The following SNX29 variants were observed in gnomAD, a reference collection of about 807,000 sequenced individuals.
SNX29 encodes the protein sorting nexin 29, also known as sorting nexin-29.
A neutral mutation model predicts 102.1 loss-of-function variants in SNX29; 78 were observed. The observed-to-expected ratio is 0.76, with a 90% CI of 0.64 to 0.92. The LOEUF is 0.92. Ranked by LOEUF, SNX29 falls within the 40% of genes least tolerant of loss-of-function variation. The pLI, the probability that SNX29 is intolerant of heterozygous loss-of-function variation, is 0.00. For synonymous variants in SNX29, 580 were observed against 414.5 expected, an observed-to-expected ratio of 1.40 and a Z score of -4.85; for missense variants, 1,280 against 1,061.7, an observed-to-expected ratio of 1.21 and a Z score of -2.86.
rs58725482 is a variant in SNX29 at position 12,272,990 on chromosome 16, T to G, written c.1679-4943T>G. ...ATCATCATTTTGGTTAGATCAGTATTCAGTGATTACATTATTATAACTGGA... is the reference window on the plus strand; with the variant it reads ...ATCATCATTTTGGTTAGATCAGTATGCAGTGATTACATTATTATAACTGGA... On this transcript the variant is annotated intron_variant, in intron 14 of 20. Transcript: ENST00000566228. 7.8e-4 allele frequency among the ~76,000 whole-genome samples: 119 copies of G among 152,374 alleles called. No homozygotes were observed. The East Asian group carries it at 0.022, about 29-fold the overall frequency.
At chr16:12,293,287 G>A (rs1264390981) in intron 15 of SNX29, among the ~76,000 whole-genome samples, 1 of 152,202 alleles carries the variant, frequency 6.6e-6, no homozygotes, top group South Asian at 2.1e-4. Flanking sequence ...AACCTTGCAA[G>A]GTAGGCGGTG....
chr16:12,034,122 G>A (rs2057413003), intron 4 of SNX29, among the ~76,000 whole-genome samples: 1 of 152,226 alleles, frequency 6.6e-6, no homozygotes, highest in African/African-American at 2.4e-5. Flanking sequence ...TTGATCTTCA[G>A]TGGGGATTTT....
At chr16:12,169,556 C>T (rs547856280) in intron 13 of SNX29, among the ~76,000 whole-genome samples, 1 of 152,194 alleles carries the variant, frequency 6.6e-6, no homozygotes, top group African/African-American at 2.4e-5. Context: ...GAGGGGATGG[C>T]AGACATTTAA....
intron 18 of SNX29, among the ~76,000 whole-genome samples, chr16:12,404,980 T>C (rs1184069968): frequency 6.6e-6 from 1 of 152,188 alleles, no homozygotes; most frequent in Non-Finnish European, 1.5e-5. Flanking sequence ...GCAACAGTCA[T>C]AGGAGAATCT....
intron 20 of SNX29, among the ~76,000 whole-genome samples, chr16:12,549,451 C>A (rs895705861): frequency 6.6e-6 from 1 of 152,026 alleles, no homozygotes; most frequent in African/African-American, 2.4e-5. Flanking sequence ...CCTAAGATTG[C>A]ACCATTGAAC....
intron 20 of SNX29, chr16:12,526,598 G>T (rs775416144): frequency 1.9e-5 from 10 of 532,602 alleles, no homozygotes; most frequent in South Asian, 1.5e-4. Context: ...CACGTGAGGA[G>T]TTCTCATCCT....
At chr16:12,451,096 C>A (rs573137752) in intron 18 of SNX29, among the ~76,000 whole-genome samples, 8 of 152,288 alleles carry the variant, frequency 5.3e-5, no homozygotes, top group African/African-American at 1.9e-4. Flanking sequence ...CACTTTTGTC[C>A]TTGAACAGAA....
At chr16:12,031,142 G>A (rs1340966078) in intron 4 of SNX29, among the ~76,000 whole-genome samples, 3 of 151,802 alleles carry the variant, frequency 2.0e-5, no homozygotes, top group African/African-American at 4.8e-5. Context: ...GTGCGATCTC[G>A]GCTCACTGCA....
chr16:12,353,864 GA>G (rs2082059676), intron 15 of SNX29, among the ~76,000 whole-genome samples: 1 of 152,230 alleles, frequency 6.6e-6, no homozygotes, highest in South Asian at 2.1e-4. Context: ...GACAACATTA[GA>G]TGTTACTTTG....
At chr16:12,191,277 GC>G (rs2076636336) in intron 13 of SNX29, among the ~76,000 whole-genome samples, 1 of 152,136 alleles carries the variant, frequency 6.6e-6, no homozygotes, top group Admixed American at 6.5e-5. Flanking sequence ...CTCCTGCTGT[GC>G]GGCTTGGTTC....
intron 15 of SNX29, 50 bp from the exon 16 acceptor site, chr16:12,356,113 C>G (rs986079223): frequency 1.3e-6 from 2 of 1,550,086 alleles, no homozygotes; most frequent in Non-Finnish European, 1.8e-6. Flanking sequence ...GGGATTGGTC[C>G]CTGGGGAATG....
At chr16:12,264,184 G>A (rs1360036420) in intron 14 of SNX29, among the ~76,000 whole-genome samples, 1 of 152,232 alleles carries the variant, frequency 6.6e-6, no homozygotes, top group African/African-American at 2.4e-5. Flanking sequence ...CCCAGCCCCT[G>A]TGCCTTTTGC....
intron 13 of SNX29, among the ~76,000 whole-genome samples, chr16:12,193,510 G>A (rs2076697785): frequency 6.6e-6 from 1 of 150,704 alleles, no homozygotes; most frequent in South Asian, 2.1e-4. Context: ...AGCAAATCCA[G>A]TTAAACTCTT....
intron 20 of SNX29, among the ~76,000 whole-genome samples, chr16:12,545,134 A>C (rs1246494132): frequency 6.6e-6 from 1 of 152,188 alleles, no homozygotes; most frequent in African/African-American, 2.4e-5. Context: ...CCACTTACCT[A>C]GCACAGCTAT....
At chr16:12,147,313 C>G (rs2055104939) in intron 13 of SNX29, among the ~76,000 whole-genome samples, 1 of 152,138 alleles carries the variant, frequency 6.6e-6, no homozygotes, top group Non-Finnish European at 1.5e-5. Flanking sequence ...ATCGCTTTCC[C>G]CCATCAAAGG....
intron 20 of SNX29, among the ~76,000 whole-genome samples, chr16:12,543,062 G>A (rs1475153504): frequency 1.3e-5 from 2 of 152,154 alleles, no homozygotes; most frequent in Admixed American, 1.3e-4. Context: ...GGACCCTGTT[G>A]GTTTCACCCT....
intron 16 of SNX29, among the ~76,000 whole-genome samples, chr16:12,387,595 G>A (rs1039686409): frequency 6.6e-6 from 1 of 152,224 alleles, no homozygotes; most frequent in Non-Finnish European, 1.5e-5. Flanking sequence ...CAGCCAGCAG[G>A]ATGCTGGGCA....
chr16:12,332,452 G>C (rs2081318040), intron 15 of SNX29, among the ~76,000 whole-genome samples: 2 of 152,152 alleles, frequency 1.3e-5, no homozygotes, highest in African/African-American at 4.8e-5. Context: ...GTTATTGGTG[G>C]CGTTTTAAAA....
chr16:12,563,494 A>C (rs1189628997), intron 20 of SNX29, among the ~76,000 whole-genome samples: 1 of 152,242 alleles, frequency 6.6e-6, no homozygotes, highest in Non-Finnish European at 1.5e-5. Context: ...AGGGCTATTA[A>C]AACGGGGAGA....
Sources: allele counts gnomAD v4.1 joint callset (sites outside exome capture counted in the v4.1 genomes callset), GRCh38; gene constraint gnomAD v4.1.1; transcripts MANE v1.5; gene names NCBI Gene and HGNC (gene_info 2026-07-23, HGNC 2026-07-21).